The following CDH26 variants were observed in gnomAD, a reference collection of about 807,000 sequenced individuals.
CDH26 encodes cadherin-like protein 26.
CDH26 carries 83 observed loss-of-function variants against 90.3 expected under a neutral mutation model. The observed-to-expected ratio is 0.92, with a 90% CI of 0.77 to 1.10. The LOEUF is 1.10. Ranked by LOEUF, CDH26 falls within the 50% of genes least tolerant of loss-of-function variation. The pLI is 0.00. For synonymous variants in CDH26, 397 were observed against 396.3 expected (o/e 1.00, Z -0.02); for missense variants, 1,013 against 1,037.6 (o/e 0.98, Z 0.33).
intron 16 of CDH26, among the ~76,000 whole-genome samples, chr20:60,006,271 T>C (rs2061748558): frequency 6.6e-6 from 1 of 152,074 alleles, no homozygotes; most frequent in South Asian, 2.1e-4. Flanking sequence ...TGCCCTTAGA[T>C]AGCACAGAGA....
At position 59,987,634 on chromosome 20, in the gene CDH26, T is replaced by C. The variant is rs1255274538; in HGVS notation, c.1019T>C (p.Ile340Thr). Residue 340 changes from isoleucine to threonine, a missense_variant, in exon 8 of 18, where the codon ATC (isoleucine) becomes ACC (threonine). Ile to Thr is a moderately conservative substitution (Grantham distance 89). Coordinates refer to ENST00000348616, the MANE Select transcript of CDH26 (RefSeq NM_177980.4). ...PETNEGILNV[I>T]KPLDYETRPA... ...ACCAACGAAGGGATATTAAATGTTA[T>C]CAAGGTAACACCATACCGGTGACAT... The C allele has an allele frequency of 1.2e-6, 2 of 1,610,274 alleles. No homozygotes were observed. Among genetic ancestry groups the C allele is most frequent in the Non-Finnish European group, 1.7e-6 (2 of 1,178,044 alleles).
At chr20:60,016,426 T>C (rs970753434), downstream of CDH26, among the ~76,000 whole-genome samples, 6 of 152,174 alleles carry the variant, frequency 3.9e-5, no homozygotes, top group Non-Finnish European at 2.9e-5. Context: ...TTGTTGTTCA[T>C]GTATAGAAAT....
chr20:59,963,063 T>A (rs1254344243), intron 1 of CDH26, among the ~76,000 whole-genome samples: 1 of 151,996 alleles, frequency 6.6e-6, no homozygotes, highest in Non-Finnish European at 1.5e-5. Context: ...TGTGTGTGAG[T>A]GTTGTATGTT....
chr20:60,004,443 G>A (rs2061716176), intron 16 of CDH26, among the ~76,000 whole-genome samples: 1 of 152,084 alleles, frequency 6.6e-6, no homozygotes, highest in Non-Finnish European at 1.5e-5. Flanking sequence ...GAATACTGTA[G>A]GCAATTGGAA....
intron 7 of CDH26, among the ~76,000 whole-genome samples, chr20:59,985,600 A>C (rs1415876498): frequency 3.3e-5 from 5 of 152,080 alleles, no homozygotes; most frequent in Admixed American, 3.3e-4. Flanking sequence ...ACCAGGCCCC[A>C]CCTCCAACAC....
intron 7 of CDH26, among the ~76,000 whole-genome samples, chr20:60,021,494 C>T (rs890959078): frequency 6.6e-6 from 1 of 152,180 alleles, no homozygotes; most frequent in Non-Finnish European, 1.5e-5. Flanking sequence ...GGAACCTCTA[C>T]ATCATATCAG....
At chr20:60,002,965 G>C in intron 16 of CDH26, 99 bp downstream of exon 16, 1 of 837,690 alleles carries the variant, frequency 1.2e-6, no homozygotes, top group Non-Finnish European at 1.8e-6. Flanking sequence ...GAAGGAAAGA[G>C]GTGATAAAAA....
chr20:59,982,355 A>G (rs1431010063), intron 4 of CDH26, among the ~76,000 whole-genome samples: 1 of 152,218 alleles, frequency 6.6e-6, no homozygotes, highest in African/African-American at 2.4e-5. Flanking sequence ...CTTAAGGTGG[A>G]AGCTTAAACA....
At chr20:59,983,851 C>T (rs1203951311) in intron 5 of CDH26, among the ~76,000 whole-genome samples, 2 of 152,186 alleles carry the variant, frequency 1.3e-5, no homozygotes, top group African/African-American at 2.4e-5. Flanking sequence ...TCTAAAGGTG[C>T]AATTTTACTG....
rs1406253994 is a variant in CDH26 at position 59,988,972 on chromosome 20, C to CT, written c.1094dup (p.Cys366LeufsTer2). 6.2e-7 allele frequency: 1 copy of CT among 1,614,016 alleles called. No homozygotes were observed. Among genetic ancestry groups the CT allele is most frequent in the African/African-American group, 1.3e-5 (1 of 74,892 alleles). ...TCGTGGAGAATGAGGAGAGGCTCGT[C>CT]TTCTGTGAGAGAGGAAAGCTTCAGC... On this transcript the variant is annotated frameshift_variant, in exon 9 of 18. Transcript: ENST00000348616. LOFTEE classifies it high-confidence loss of function.
chr20:59,967,953 T>C lies in CDH26; in HGVS notation c.70-1014T>C, dbSNP rs71321560. ...CCTTTCCCTTTCTTTCTTTCTTTCT[T>C]TCTATCTTTCTTTCTTTCTTTCTTT... On this transcript the variant is annotated intron_variant, in intron 1 of 17. Transcript: ENST00000348616. 2.5e-5 allele frequency among the ~76,000 whole-genome samples: 2 copies of C among 80,100 alleles called. 1 individual carries two copies. The highest frequency in any genetic ancestry group is 1.5e-4 in the African/African-American group (2 of 13,070). The allele number at this position is 80,100 out of a possible 152,430, so 52.5% of individuals were successfully genotyped here.
chr20:59,963,415 T>A (rs879807871), intron 1 of CDH26, among the ~76,000 whole-genome samples: 1 of 152,120 alleles, frequency 6.6e-6, no homozygotes, highest in Non-Finnish European at 1.5e-5. Context: ...CATGCCTGGC[T>A]AATTTTTATA....
chr20:60,021,863 C>CACACACACACACAT (rs1270280927), intron 7 of CDH26, among the ~76,000 whole-genome samples: 1 of 63,306 alleles, frequency 1.6e-5, no homozygotes, highest in African/African-American at 5.2e-5. Context: ...CACACACACA[C>CACACACACACACAT]ACACACACAC....
chr20:60,007,563 A>T (rs2061770291), intron 17 of CDH26, among the ~76,000 whole-genome samples: 1 of 152,202 alleles, frequency 6.6e-6, no homozygotes, highest in African/African-American at 2.4e-5. Flanking sequence ...CAGCAGGTTG[A>T]TGCAAACGGA....
chr20:59,966,433 C>CT (rs1393855661), intron 1 of CDH26, among the ~76,000 whole-genome samples: 1 of 152,180 alleles, frequency 6.6e-6, no homozygotes, highest in Non-Finnish European at 1.5e-5. Flanking sequence ...TTTTTTACTA[C>CT]TTCATGAGTT....
chr20:60,003,985 A>T (rs1003884840), intron 16 of CDH26, among the ~76,000 whole-genome samples: 1 of 152,208 alleles, frequency 6.6e-6, no homozygotes, highest in Non-Finnish European at 1.5e-5. Flanking sequence ...GATGAGCCCC[A>T]TGCTTGGTCA....
chr20:59,973,044 A>G (rs1454158697), intron 4 of CDH26, among the ~76,000 whole-genome samples: 4 of 152,182 alleles, frequency 2.6e-5, no homozygotes, highest in Non-Finnish European at 5.9e-5. Flanking sequence ...TGCAGAATTC[A>G]CAGTGTCTGT....
At chr20:59,995,227 T>C (rs1261704859) in intron 11 of CDH26, among the ~76,000 whole-genome samples, 2 of 152,178 alleles carry the variant, frequency 1.3e-5, no homozygotes, top group African/African-American at 4.8e-5. Flanking sequence ...CACCAGTGTC[T>C]CTTTACCTGG....
chr20:60,017,910 A>T (rs2061918820), downstream of CDH26, among the ~76,000 whole-genome samples: 1 of 151,930 alleles, frequency 6.6e-6, no homozygotes. Context: ...GTATTTGTAT[A>T]GTTTTGAGTG....
Sources: allele counts gnomAD v4.1 joint callset (sites outside exome capture counted in the v4.1 genomes callset), GRCh38; gene constraint gnomAD v4.1.1; transcripts MANE v1.5; gene names NCBI Gene and HGNC (gene_info 2026-07-23, HGNC 2026-07-21).